Variants in DNAH7 observed in about 807,000 individuals in gnomAD.
The protein encoded by DNAH7 is axonemal beta dynein heavy chain 7.
A neutral mutation model predicts 444.6 loss-of-function variants in DNAH7; 397 were observed. That is an observed-to-expected ratio of 0.89 (90% CI 0.82 to 0.97). The LOEUF (loss-of-function observed/expected upper bound fraction) is 0.97. Ranked by LOEUF, DNAH7 falls within the 50% of genes least tolerant of loss-of-function variation. DNAH7 has a pLI of 0.00. For synonymous variants in DNAH7, 1,636 were observed against 1,624.4 expected (o/e 1.01, Z -0.17); for missense variants, 4,902 against 4,800.8 (o/e 1.02, Z -0.62).
chr2:196,024,463 TATC>T lies in DNAH7; in HGVS notation c.706_708del (p.Asp236del), dbSNP rs780577563. On this transcript the variant is annotated inframe_deletion, in exon 8 of 65. Coordinates refer to ENST00000312428, the MANE Select transcript of DNAH7 (RefSeq NM_018897.3). ...TGGGCTGGAAGTTCATCTGTCTTCT[TATC>T]ATCTCCTTTCTCTCGAGGATCTTTT... 6 of 1,585,136 alleles carry T rather than the reference TATC, an allele frequency of 3.8e-6. No homozygotes were observed. Among genetic ancestry groups the T allele is most frequent in the South Asian group, 1.2e-5 (1 of 84,942 alleles).
At chr2:195,912,161 G>A (rs553382175) in intron 24 of DNAH7, among the ~76,000 whole-genome samples, 1 of 152,208 alleles carries the variant, frequency 6.6e-6, no homozygotes, top group African/African-American at 2.4e-5. Flanking sequence ...AAGAATCATT[G>A]GTGTGTTGTG....
At position 195,970,081 on chromosome 2, in the gene DNAH7, C is replaced by A. The variant is rs368206641; in HGVS notation, c.2072G>T (p.Arg691Leu). The part of the protein sequence containing the change: ...YQEGLKLRCE[R>L]FVEELESYAK... ...ATAACTCTCCAATTCCTCCACAAAC[C>A]GTTCACACCGTAACTAATAAAAACA... is the stretch of plus-strand genomic sequence containing the variant. Residue 691 changes from arginine to leucine, a missense_variant, in exon 17 of 65, where the codon CGG becomes CTG. Physicochemically the swap from Arg to Leu is moderately radical, Grantham distance 102 (BLOSUM62 -2). Transcript: ENST00000312428. 22 of 1,607,206 alleles carry A rather than the reference C, an allele frequency of 1.4e-5. No homozygotes were observed. In the South Asian group the frequency reaches 2.5e-4, roughly 18 times the overall value.
chr2:195,865,043 G>A lies in DNAH7; in HGVS notation c.6634-22C>T, dbSNP rs745703742. 7.2e-6 allele frequency: 11 copies of A among 1,532,892 alleles called. No homozygotes were observed. The South Asian group carries it at 7.6e-5, about 11-fold the overall frequency. 95.0% of individuals were successfully genotyped at this position (1,532,892 alleles called of 1,614,324 possible). On this transcript the variant is annotated intron_variant, in intron 40 of 64. Coordinates refer to ENST00000312428, the MANE Select transcript of DNAH7 (RefSeq NM_018897.3). ...GGACCTGTATAATAATTAAAAAGCA[G>A]CTTTAGAAACTTTCTTCTGATTTTT...
At chr2:195,929,427 C>T (rs2125383593) in intron 21 of DNAH7, among the ~76,000 whole-genome samples, 1 of 152,130 alleles carries the variant, frequency 6.6e-6, no homozygotes, top group Non-Finnish European at 1.5e-5. Flanking sequence ...AAATTCTAAG[C>T]AAAAAGAACA....
chr2:196,001,067 A>T (rs1694003909), intron 11 of DNAH7, among the ~76,000 whole-genome samples, 184 bp from the exon 12 acceptor site: 1 of 152,162 alleles, frequency 6.6e-6, no homozygotes, highest in Non-Finnish European at 1.5e-5. Context: ...GATGATATCC[A>T]GTATCCATTG....
Position 195,809,856 on chromosome 2 carries a change from C to G in DNAH7, c.9777G>C (p.Lys3259Asn), listed in dbSNP as rs770829838. 4.5e-6 allele frequency: 7 copies of G among 1,564,922 alleles called. No homozygotes were observed. Among genetic ancestry groups the G allele is most frequent in the Non-Finnish European group, 6.1e-6 (7 of 1,155,964 alleles). The change falls in exon 52 of 65, where the codon AAG becomes AAC. Residue 3259 changes from lysine to asparagine, a missense_variant. Coordinates refer to ENST00000312428, the MANE Select transcript of DNAH7 (RefSeq NM_018897.3). ...EILAKRLQIL[K>N]DHFTYSLYVN... Reference sequence around the variant, plus strand: ...CATACAGTGAATAAGTAAAGTGATCCTTGAGAATCTGAAGCCTAAGGGTCA... The same window carrying G: ...CATACAGTGAATAAGTAAAGTGATCGTTGAGAATCTGAAGCCTAAGGGTCA...
At chr2:195,885,022 A>C (rs1458706683) in intron 34 of DNAH7, among the ~76,000 whole-genome samples, 2 of 152,222 alleles carry the variant, frequency 1.3e-5, no homozygotes, top group African/African-American at 2.4e-5. Context: ...GATACAAAAC[A>C]AAGTATACAT....
intron 39 of DNAH7, among the ~76,000 whole-genome samples, chr2:195,872,886 G>GA (rs1332390458): frequency 6.7e-6 from 1 of 149,368 alleles, no homozygotes; most frequent in East Asian, 1.9e-4. Context: ...ATTTTCAGAG[G>GA]AAAAAAAGGA....
At chr2:195,749,406 T>C (rs1217394662) in intron 63 of DNAH7, among the ~76,000 whole-genome samples, 1 of 151,744 alleles carries the variant, frequency 6.6e-6, no homozygotes, top group Non-Finnish European at 1.5e-5. Flanking sequence ...AGTTCAACCA[T>C]TGTGGAAGTC....
At chr2:195,913,949 C>T (rs1198660875) in intron 24 of DNAH7, among the ~76,000 whole-genome samples, 1 of 152,158 alleles carries the variant, frequency 6.6e-6, no homozygotes, top group African/African-American at 2.4e-5. Flanking sequence ...CTCCTGACCT[C>T]GTGATCTGCC....
At chr2:196,065,416 A>G (rs891809145) in intron 1 of DNAH7, among the ~76,000 whole-genome samples, 1 of 152,214 alleles carries the variant, frequency 6.6e-6, no homozygotes, top group African/African-American at 2.4e-5. Flanking sequence ...TGATTTATGG[A>G]CAGGGAACTA....
intron 29 of DNAH7, among the ~76,000 whole-genome samples, chr2:195,897,283 TA>T (rs1392191674): frequency 6.6e-6 from 1 of 152,182 alleles, no homozygotes; most frequent in African/African-American, 2.4e-5. Flanking sequence ...TAAGCATATT[TA>T]TCTATTTTAT....
intron 21 of DNAH7, among the ~76,000 whole-genome samples, chr2:195,930,524 A>T (rs1338137986): frequency 6.6e-6 from 1 of 152,184 alleles, no homozygotes; most frequent in African/African-American, 2.4e-5. Flanking sequence ...GTCAAAAAAC[A>T]AAAAATGCTG....
At chr2:196,024,408 T>C in intron 8 of DNAH7, 21 bp downstream of exon 8, 1 of 1,522,834 alleles carries the variant, frequency 6.6e-7, no homozygotes, top group Non-Finnish European at 8.8e-7. Flanking sequence ...TCAACATTCT[T>C]AGAGAAATCT....
chr2:195,825,271 G>GAAA (rs11434852), intron 48 of DNAH7, among the ~76,000 whole-genome samples: 3 of 146,462 alleles, frequency 2.0e-5, no homozygotes, highest in African/African-American at 2.5e-5. Context: ...CATAAATAAG[G>GAAA]AAAAAAAAAA....
chr2:196,018,137 A>G (rs368570241), intron 9 of DNAH7, among the ~76,000 whole-genome samples: 34 of 152,304 alleles, frequency 2.2e-4, no homozygotes, highest in African/African-American at 7.9e-4. Context: ...TGACAAAGAT[A>G]TAAGTAGAGA....
rs1559275899 is a variant in DNAH7, at chr2:195,960,428, A to G, written c.2723T>C (p.Met908Thr). 6.2e-7 allele frequency: 1 copy of G among 1,614,196 alleles called. No individual in the cohort carries two copies. The highest frequency in any genetic ancestry group is 1.7e-5 in the Admixed American group (1 of 60,018). Residue 908 changes from methionine to threonine, a missense_variant, in exon 18 of 65, where the codon ATG becomes ACG. By Grantham distance (81) the Met-to-Thr change is moderately conservative. Transcript: ENST00000312428. ...TTCCACTGCATCCCACTCAGTAATC[A>G]TCTTCTCCATCGCCTTTTCAAGAGA... ...EYSLEKAMEK[M>T]ITEWDAVEFV...
At chr2:196,011,829 G>C (rs1390794660) in intron 10 of DNAH7, among the ~76,000 whole-genome samples, 1 of 152,172 alleles carries the variant, frequency 6.6e-6, no homozygotes, top group African/African-American at 2.4e-5. Flanking sequence ...AAAATTTACA[G>C]TGGTAATGTA....
chr2:195,946,513 C>T (rs535209580), intron 19 of DNAH7, among the ~76,000 whole-genome samples: 4 of 152,114 alleles, frequency 2.6e-5, no homozygotes, highest in South Asian at 2.1e-4. Flanking sequence ...ATACCCACAA[C>T]TCTCCAACAG....
Sources: gnomAD v4.1 joint callset for allele counts (sites outside exome capture counted in the v4.1 genomes callset) on GRCh38, gnomAD v4.1.1 for gene constraint, MANE v1.5 for transcripts, NCBI Gene and HGNC (gene_info 2026-07-23, HGNC 2026-07-21) for gene names.